Variants in FERMT2 observed in about 807,000 individuals in gnomAD.
FERMT2 encodes fermitin family homolog 2.
FERMT2 carries 15 observed loss-of-function variants against 82.7 expected under a neutral mutation model. That is an observed-to-expected ratio of 0.18 (90% CI 0.12 to 0.28). FERMT2 has a LOEUF of 0.28. Ranked by LOEUF, FERMT2 falls within the 10% of genes least tolerant of loss-of-function variation. FERMT2 has a pLI of 1.00. For missense variants in FERMT2, 645 were observed against 809.4 expected (o/e 0.80, Z 2.46); for synonymous variants, 274 against 271.5 (o/e 1.01, Z -0.09).
intron 6 of FERMT2, 93 bp from the exon 7 acceptor site, chr14:52,878,782 T>C (rs1886121343): frequency 3.3e-6 from 2 of 603,736 alleles, no homozygotes; most frequent in Non-Finnish European, 5.5e-6. Flanking sequence ...AAAAATTTAA[T>C]GCTTTTTTTC....
At chr14:52,885,257 G>C (rs921140516) in intron 4 of FERMT2, among the ~76,000 whole-genome samples, 1 of 127,436 alleles carries the variant, frequency 7.8e-6, no homozygotes, top group Non-Finnish European at 1.6e-5. Context: ...AGGTTGCAGT[G>C]AGCCAAGATC....
intron 14 of FERMT2, 197 bp from the exon 15 acceptor site, chr14:52,858,747 C>CT (rs574996852): frequency 3.4e-4 from 171 of 504,296 alleles, no homozygotes; most frequent in African/African-American, 2.9e-3. Context: ...TTCCCCTACA[C>CT]TTTAAGTTTT....
chr14:52,941,400 A>C (rs1475768703), intron 2 of FERMT2, among the ~76,000 whole-genome samples: 2 of 152,190 alleles, frequency 1.3e-5, no homozygotes, highest in African/African-American at 4.8e-5. Flanking sequence ...AGAAGGATAA[A>C]TTTTACTATA....
chr14:52,873,856 A>G (rs948545046), intron 9 of FERMT2: 2 of 218,998 alleles, frequency 9.1e-6, no homozygotes, highest in African/African-American at 2.3e-5. Context: ...GACACAGTTC[A>G]TTATGTACTG....
chr14:52,931,867 A>C (rs1889590615), intron 2 of FERMT2, among the ~76,000 whole-genome samples: 1 of 152,126 alleles, frequency 6.6e-6, no homozygotes, highest in Admixed American at 6.6e-5. Context: ...GTCTCTACTA[A>C]AAATACAAAA....
intron 2 of FERMT2, among the ~76,000 whole-genome samples, chr14:52,944,680 C>G (rs1890246114): frequency 6.6e-6 from 1 of 152,172 alleles, no homozygotes; most frequent in Non-Finnish European, 1.5e-5. Flanking sequence ...GAACGTATAC[C>G]ATACTTAATG....
At chr14:52,884,006 A>T (rs1483989429) in intron 4 of FERMT2, among the ~76,000 whole-genome samples, 1 of 152,100 alleles carries the variant, frequency 6.6e-6, no homozygotes, top group East Asian at 1.9e-4. Context: ...CTTTTCTCCT[A>T]AGTTACCAAG....
At chr14:52,907,593 A>T (rs1888089154) in intron 3 of FERMT2, among the ~76,000 whole-genome samples, 1 of 152,206 alleles carries the variant, frequency 6.6e-6, no homozygotes, top group Non-Finnish European at 1.5e-5. Context: ...GGGAGAAATG[A>T]AACTAAACTG....
At chr14:52,890,444 G>C (rs1288217137) in intron 4 of FERMT2, among the ~76,000 whole-genome samples, 2 of 104,360 alleles carry the variant, frequency 1.9e-5, no homozygotes, top group African/African-American at 3.6e-5. Context: ...CACTCCGTCT[G>C]AAAAAAAAAA....
At chr14:52,941,405 A>T (rs937515423) in intron 2 of FERMT2, among the ~76,000 whole-genome samples, 1 of 152,210 alleles carries the variant, frequency 6.6e-6, no homozygotes, top group Admixed American at 6.5e-5. Context: ...GATAAATTTT[A>T]CTATATGTCA....
intron 3 of FERMT2, among the ~76,000 whole-genome samples, chr14:52,909,801 T>C (rs916576145): frequency 6.6e-6 from 1 of 152,134 alleles, no homozygotes; most frequent in African/African-American, 2.4e-5. Flanking sequence ...ATGCCTGTTA[T>C]CCCAGCACTT....
intron 2 of FERMT2, among the ~76,000 whole-genome samples, chr14:52,925,347 T>C (rs529589385): frequency 2.6e-5 from 4 of 151,862 alleles, no homozygotes; most frequent in Non-Finnish European, 4.4e-5. Flanking sequence ...AGGTCAGAAG[T>C]TGGAGTTTGA....
At chr14:52,942,043 T>A (rs986145326) in intron 2 of FERMT2, among the ~76,000 whole-genome samples, 6 of 152,146 alleles carry the variant, frequency 3.9e-5, no homozygotes, top group African/African-American at 1.2e-4. Context: ...AAAGCAATCC[T>A]AAACTAAGCT....
intron 6 of FERMT2, among the ~76,000 whole-genome samples, chr14:52,880,267 C>T (rs1437278548): frequency 1.3e-5 from 2 of 152,064 alleles, no homozygotes; most frequent in Admixed American, 6.5e-5. Context: ...AAGAAAAAAA[C>T]GTTTTTTTGA....
chr14:52,896,999 AACACACACACACACAC>A (rs57945447), intron 3 of FERMT2, among the ~76,000 whole-genome samples: 69 of 137,178 alleles, frequency 5.0e-4, no homozygotes, highest in African/African-American at 6.5e-4. Flanking sequence ...AAACAAATAA[AACACACACACACACAC>A]ACACACACAC....
chr14:52,930,780 G>A (rs1210613708), intron 2 of FERMT2, among the ~76,000 whole-genome samples: 5 of 152,060 alleles, frequency 3.3e-5, no homozygotes, highest in African/African-American at 9.7e-5. Flanking sequence ...TTTCTACTGA[G>A]ACTCTATTGC....
chr14:52,919,496 A>C, intron 2 of FERMT2, 140 bp from the exon 3 acceptor site: 1 of 631,744 alleles, frequency 1.6e-6, no homozygotes, highest in Non-Finnish European at 2.7e-6. Context: ...GGTACAAAAG[A>C]AACATTAACA....
At chr14:52,912,544 T>TTTTTTTTTTTTTTTTTTC in intron 3 of FERMT2, among the ~76,000 whole-genome samples, 1 of 150,100 alleles carries the variant, frequency 6.7e-6, no homozygotes. Context: ...AGAGTCTTAC[T>TTTTTTTTTTTTTTTTTTC]CTGTTGCCCA....
At chr14:52,892,573 C>G (rs1182181575) in intron 4 of FERMT2, among the ~76,000 whole-genome samples, 1 of 151,612 alleles carries the variant, frequency 6.6e-6, no homozygotes, top group Non-Finnish European at 1.5e-5. Context: ...TCCTGCCTCA[C>G]TCTCCCAAGT....
Sources: allele counts gnomAD v4.1 joint callset (sites outside exome capture counted in the v4.1 genomes callset), GRCh38; gene constraint gnomAD v4.1.1; transcripts MANE v1.5; gene names NCBI Gene and HGNC (gene_info 2026-07-23, HGNC 2026-07-21).